PAX3: variants seen among roughly 807,000 people sequenced by gnomAD.
PAX3 encodes paired box 3.
Under a neutral mutation model 51.6 loss-of-function variants are expected in PAX3, and 14 were observed. The observed-to-expected ratio is 0.27, with a 90% CI of 0.18 to 0.42. The LOEUF is 0.42. Among genes scored for constraint, PAX3 ranks in the 10% least tolerant of loss-of-function variants. PAX3 has a pLI of 1.00. For synonymous variants in PAX3, 280 were observed against 253.4 expected, an observed-to-expected ratio of 1.11 and a Z score of -1.00; for missense variants, 540 against 642.8, an observed-to-expected ratio of 0.84 and a Z score of 1.73.
chr2:222,275,293 A>G (rs45535531), intron 4 of PAX3, among the ~76,000 whole-genome samples: 17 of 152,322 alleles, frequency 1.1e-4, no homozygotes, highest in Non-Finnish European at 2.1e-4. Flanking sequence ...TAAATATTTT[A>G]TGGCAATATT....
intron 4 of PAX3, among the ~76,000 whole-genome samples, chr2:222,283,706 T>C (rs930636957): frequency 6.6e-6 from 1 of 152,224 alleles, no homozygotes. Flanking sequence ...CAGCGAATTT[T>C]TATCAGTTCA....
At chr2:222,211,590 GA>G (rs202207426) in intron 7 of PAX3, among the ~76,000 whole-genome samples, 3 of 151,138 alleles carry the variant, frequency 2.0e-5, no homozygotes, top group South Asian at 2.1e-4. Context: ...ACATTAATTA[GA>G]AAAAAAAATT....
intron 4 of PAX3, among the ~76,000 whole-genome samples, chr2:222,292,797 T>C (rs978407379): frequency 7.2e-5 from 11 of 152,208 alleles, no homozygotes; most frequent in East Asian, 1.9e-4. Flanking sequence ...AGGAGGCCTC[T>C]GTCATAAAGC....
rs749889793 is a variant in PAX3 at position 222,295,673 on chromosome 2, C to T, written c.322-16G>A. 5.6e-6 allele frequency: 9 copies of T among 1,613,832 alleles called. No individual in the cohort carries two copies. The African/African-American group carries it at 8.0e-5, about 14-fold the overall frequency. ...TTGTCACCTGCTTTAAGAGAACAGG[C>T]GGGCAGGCGTTGGTACCCGGTACCC... is the stretch of plus-strand genomic sequence containing the variant. On this transcript the variant is annotated splice_polypyrimidine_tract_variant and intron_variant, in intron 2 of 8. Coordinates refer to ENST00000392070, the MANE Select transcript of PAX3 (RefSeq NM_181458.4).
At chr2:222,245,852 A>G (rs985026441) in intron 4 of PAX3, among the ~76,000 whole-genome samples, 1 of 151,126 alleles carries the variant, frequency 6.6e-6, no homozygotes, top group Admixed American at 6.6e-5. Context: ...GTAGTGGGGC[A>G]CACCTGTAAT....
intron 5 of PAX3, among the ~76,000 whole-genome samples, chr2:222,223,482 G>A (rs1455492112): frequency 1.3e-5 from 2 of 152,180 alleles, no homozygotes; most frequent in South Asian, 2.1e-4. Flanking sequence ...GCTCCCAAAG[G>A]CATCAGGGTA....
chr2:222,296,191 C>A (rs945847692), intron 2 of PAX3, among the ~76,000 whole-genome samples: 2 of 152,176 alleles, frequency 1.3e-5, no homozygotes, highest in African/African-American at 4.8e-5. Context: ...TCTCTACCCC[C>A]AATATATATT....
At chr2:222,210,623 C>A (rs1691688802) in intron 7 of PAX3, among the ~76,000 whole-genome samples, 3 of 152,054 alleles carry the variant, frequency 2.0e-5, no homozygotes. Flanking sequence ...GGTATTGTAA[C>A]CTGAATTTCT....
chr2:222,217,989 A>G (rs1692031601), intron 7 of PAX3, among the ~76,000 whole-genome samples: 1 of 152,166 alleles, frequency 6.6e-6, no homozygotes, highest in Non-Finnish European at 1.5e-5. Context: ...CTGAGGAAAT[A>G]AGGAGGAATT....
At chr2:222,286,430 T>G (rs985841479) in intron 4 of PAX3, among the ~76,000 whole-genome samples, 1 of 152,242 alleles carries the variant, frequency 6.6e-6, no homozygotes, top group African/African-American at 2.4e-5. Flanking sequence ...GCCAGTTTAA[T>G]AGTTGCCTAT....
chr2:222,220,332 G>C lies in PAX3; in HGVS notation c.981C>G (p.Thr327=). The change falls in exon 7 of 9, where the codon ACC becomes ACG. Residue 327 remains threonine (T), a synonymous_variant. Coordinates refer to ENST00000392070, the MANE Select transcript of PAX3 (RefSeq NM_181458.4). ...IPQAVSDPSS[T]VHRPQPLPPS... ...GAGGAAGCGGTTGAGGTCTGTGAAC[G>C]GTGCTGCTGGGATCTGACACAGCTG... 5.6e-6 allele frequency: 9 copies of C among 1,613,984 alleles called. No individual in the cohort carries two copies. In the South Asian group the frequency reaches 6.6e-5, roughly 12 times the overall value.
rs371646147 is a variant in PAX3, at chr2:222,295,485, G to A, written c.451+43C>T. ...TGGGTCGACGTGCCGGGGTAATAGC[G>A]ACTGACTGTCGCGCCTCGGGGAGAG... On this transcript the variant is annotated intron_variant, in intron 3 of 8. Transcript: ENST00000392070. 21 of 1,612,082 alleles carry A rather than the reference G, an allele frequency of 1.3e-5. No individual in the cohort carries two copies. In the African/African-American group the frequency reaches 2.4e-4, roughly 18 times the overall value.
At chr2:222,230,876 T>A (rs1052874311) in intron 5 of PAX3, among the ~76,000 whole-genome samples, 19 of 124,028 alleles carry the variant, frequency 1.5e-4, no homozygotes, top group Non-Finnish European at 2.3e-4. Flanking sequence ...AAAAAAAAAA[T>A]CTCATCCTTT....
At chr2:222,293,717 T>A (rs1421683219) in intron 4 of PAX3, 1 of 1,613,964 alleles carries the variant, frequency 6.2e-7, no homozygotes, top group African/African-American at 1.3e-5. Flanking sequence ...TCTCTCTCTC[T>A]CTCCTTTAAT....
In PAX3 at chr2:222,297,294, G is replaced by A. The variant is rs45556238; in HGVS notation, c.86-81C>T. The A allele has an allele frequency of 8.9e-6, 10 of 1,120,222 alleles. No homozygotes were observed. The South Asian group carries it at 1.1e-4, about 12-fold the overall frequency. 69.4% of individuals were successfully genotyped at this position (1,120,222 alleles called of 1,614,324 possible). ...GCAAAGAACAGCAGCACGTAATTTC[G>A]CAGTCTTCTGTCCTATCCTCATGTT... On this transcript the variant is annotated intron_variant, in intron 1 of 8. Coordinates refer to ENST00000392070, the MANE Select transcript of PAX3 (RefSeq NM_181458.4).
rs370443359 is a variant in PAX3 at position 222,201,618 on chromosome 2, C to T, written c.1421-176G>A. The T allele has an allele frequency of 3.9e-6, 5 of 1,286,194 alleles. No homozygotes were observed. The East Asian group carries it at 1.0e-4, about 26-fold the overall frequency. 79.7% of individuals were successfully genotyped at this position (1,286,194 alleles called of 1,614,324 possible). ...ACTTTGTGTCCCTGGGATTATCCCC[C>T]ATATGATCCTGGAGCTGACCTCATT... On this transcript the variant is annotated intron_variant, in intron 8 of 8. Coordinates refer to ENST00000392070, the MANE Select transcript of PAX3 (RefSeq NM_181458.4).
chr2:222,289,455 C>T (rs1015213061), intron 4 of PAX3, among the ~76,000 whole-genome samples: 9 of 152,298 alleles, frequency 5.9e-5, no homozygotes, highest in African/African-American at 2.2e-4. Flanking sequence ...TGAACCGCCG[C>T]GCGCTGACTG....
At chr2:222,283,837 G>A (rs1450395667) in intron 4 of PAX3, among the ~76,000 whole-genome samples, 1 of 152,246 alleles carries the variant, frequency 6.6e-6, no homozygotes, top group Non-Finnish European at 1.5e-5. Context: ...ACCAGTGCAT[G>A]CGGGGATAAG....
At chr2:222,282,016 C>T (rs1694664719) in intron 4 of PAX3, among the ~76,000 whole-genome samples, 1 of 152,204 alleles carries the variant, frequency 6.6e-6, no homozygotes, top group Admixed American at 6.5e-5. Context: ...GCAGCAAGAA[C>T]AGTCAAGAAA....
Sources: gnomAD v4.1 joint callset for allele counts (sites outside exome capture counted in the v4.1 genomes callset) on GRCh38, gnomAD v4.1.1 for gene constraint, MANE v1.5 for transcripts, NCBI Gene and HGNC (gene_info 2026-07-23, HGNC 2026-07-21) for gene names.